PSMC5: variants seen among roughly 807,000 people sequenced by gnomAD.
PSMC5 encodes the protein proteasome 26S subunit, ATPase 5.
In PSMC5, 11 loss-of-function variants were observed where a neutral mutation model predicts 49.1. The observed-to-expected ratio is 0.22, with a 90% CI of 0.14 to 0.37. The LOEUF is 0.37. PSMC5 is among the 10% of genes least tolerant of loss of function. The pLI is 1.00. For synonymous variants in PSMC5, 206 were observed against 192.2 expected, an observed-to-expected ratio of 1.07 and a Z score of -0.59; for missense variants, 229 against 520.9, an observed-to-expected ratio of 0.44 and a Z score of 5.45.
Position 63,827,473 on chromosome 17 carries a change from C to T in PSMC5, c.-18C>T. On this transcript the variant is annotated 5_prime_UTR_variant, in exon 1 of 12. Coordinates refer to ENST00000310144, the MANE Select transcript of PSMC5 (RefSeq NM_002805.6). ...CCAAGACGGCTCGGATGCCGGCGGTCTCTGCTGAAGAGAGAAGATGGCGCT... is the reference window on the plus strand; with the variant it reads ...CCAAGACGGCTCGGATGCCGGCGGTTTCTGCTGAAGAGAGAAGATGGCGCT... The T allele has an allele frequency of 6.4e-7, 1 of 1,551,740 alleles. No homozygotes were observed.
rs751153737 is a variant in PSMC5, at chr17:63,830,796, T to C, written c.553-13T>C. The C allele has an allele frequency of 1.2e-6, 2 of 1,611,694 alleles. No individual in the cohort carries two copies. Among genetic ancestry groups the C allele is most frequent in the South Asian group, 2.2e-5 (2 of 91,062 alleles). On this transcript the variant is annotated splice_polypyrimidine_tract_variant and intron_variant, in intron 6 of 11. Coordinates refer to ENST00000310144, the MANE Select transcript of PSMC5 (RefSeq NM_002805.6). This position sits in a 1 kb window ranked among gnomAD's most constrained non-coding sequence, Gnocchi z 4.0. ...TGTAGCTTTCTGCCCTGAGTCCTGCTGTTCCCCTGTAGGGAGTGCTGCTGT... is the reference window on the plus strand; with the variant it reads ...TGTAGCTTTCTGCCCTGAGTCCTGCCGTTCCCCTGTAGGGAGTGCTGCTGT...
Position 63,831,065 on chromosome 17 carries a change from A to G in PSMC5, c.709A>G (p.Met237Val). ...AAGAATGGTGAGGGAGCTGTTTGTC[A>G]TGGCACGGGAACATGCTCCATCTAT... is the stretch of plus-strand genomic sequence containing the variant. The part of the protein sequence containing the change: ...GARMVRELFV[M>V]AREHAPSIIF... The change falls in exon 8 of 12, where the codon ATG becomes GTG. Residue 237 changes from methionine to valine, a missense_variant. Physicochemically the swap from Met to Val is conservative, Grantham distance 21. Transcript: ENST00000310144. This position sits in a 1 kb window ranked among gnomAD's most constrained non-coding sequence, Gnocchi z 6.3. The G allele has an allele frequency of 6.4e-7, 1 of 1,567,402 alleles. No homozygotes were observed. The highest frequency in any genetic ancestry group is 8.7e-7 in the Non-Finnish European group (1 of 1,155,498).
At chr17:63,829,743 C>T (rs2040159193) in intron 3 of PSMC5, 109 bp from the exon 4 acceptor site, 2 of 1,322,364 alleles carry the variant, frequency 1.5e-6, no homozygotes, top group Non-Finnish European at 2.2e-6. Context: ...TGAATTTTGA[C>T]CTTTGGCCTT....
In PSMC5 at chr17:63,830,632, G is replaced by C. The variant is rs2040171777; in HGVS notation, c.552+131G>C. 3 of 1,483,958 alleles carry C rather than the reference G, an allele frequency of 2.0e-6. No homozygotes were observed. The highest frequency in any genetic ancestry group is 1.4e-5 in the African/African-American group (1 of 71,588). 91.9% of individuals were successfully genotyped at this position (1,483,958 alleles called of 1,614,324 possible). A position where few individuals can be genotyped will look rare whatever the true frequency, so the allele number is the denominator to read the frequency against. ...CTTGGGCTGGCCCTCCCCCTGAAAA[G>C]AGTGGCTGGGGAAGTGTTCCTAGGG... On this transcript the variant is annotated intron_variant, in intron 6 of 11. Coordinates refer to ENST00000310144, the MANE Select transcript of PSMC5 (RefSeq NM_002805.6). The surrounding 1 kb of genome is among the most constrained non-coding windows in gnomAD (Gnocchi z 4.0).
In PSMC5 at chr17:63,830,427, G is replaced by C; in HGVS notation, c.478G>C (p.Glu160Gln). The part of the protein sequence containing the change: ...MIGGLDKQIK[E>Q]IKEVIELPVK... ...TGGTGGACTGGACAAACAGATCAAGGAGATCAAAGAAGTGATCGAGCTGCC... is the reference window on the plus strand; with the variant it reads ...TGGTGGACTGGACAAACAGATCAAGCAGATCAAAGAAGTGATCGAGCTGCC... The change falls in exon 6 of 12, where the codon GAG becomes CAG. Residue 160 changes from glutamate to glutamine, a missense_variant. Glu to Gln is a conservative substitution (Grantham distance 29). Around this residue, in one of 4 missense-constraint regions of PSMC5, gnomAD observed 121 missense variants for 330.6 expected, o/e 0.37. Coordinates refer to ENST00000310144, the MANE Select transcript of PSMC5 (RefSeq NM_002805.6). This position sits in a 1 kb window ranked among gnomAD's most constrained non-coding sequence, Gnocchi z 4.0. 6.2e-7 allele frequency: 1 copy of C among 1,614,190 alleles called. No individual in the cohort carries two copies. The highest frequency in any genetic ancestry group is 1.3e-5 in the African/African-American group (1 of 75,034).
Position 63,830,528 on chromosome 17 carries a change from G to A in PSMC5, c.552+27G>A. On this transcript the variant is annotated intron_variant, in intron 6 of 11. Coordinates refer to ENST00000310144, the MANE Select transcript of PSMC5 (RefSeq NM_002805.6). This position sits in a 1 kb window ranked among gnomAD's most constrained non-coding sequence, Gnocchi z 4.0. ...TGAGGAGCAGGGCTTCTCTGAGAGG[G>A]CCAAGCTGTACTTACTCCTCCTGCC... is the stretch of plus-strand genomic sequence containing the variant. 1 of 1,610,802 alleles carries A rather than the reference G, an allele frequency of 6.2e-7. No homozygotes were observed. Among genetic ancestry groups the A allele is most frequent in the Non-Finnish European group, 8.5e-7 (1 of 1,178,958 alleles).
rs1567757501 is a variant in PSMC5 at position 63,830,207 on chromosome 17, G to A, written c.321+18G>A. 2 of 1,610,684 alleles carry A rather than the reference G, an allele frequency of 1.2e-6. No homozygotes were observed. Among genetic ancestry groups the A allele is most frequent in the Admixed American group, 1.7e-5 (1 of 59,840 alleles). On this transcript the variant is annotated intron_variant, in intron 5 of 11. Transcript: ENST00000310144. The surrounding 1 kb of genome is among the most constrained non-coding windows in gnomAD (Gnocchi z 4.0). Reference sequence around the variant, plus strand: ...TCAATGATGTGAGTGTAGCAGGTGAGGTGGTGGTGGTGGTGGGGTCAGCTC... The same window carrying A: ...TCAATGATGTGAGTGTAGCAGGTGAAGTGGTGGTGGTGGTGGGGTCAGCTC...
chr17:63,828,462 G>T, intron 2 of PSMC5: 1 of 361,728 alleles, frequency 2.8e-6, no homozygotes, highest in Non-Finnish European at 5.0e-6. Flanking sequence ...AATAGTAAAG[G>T]TACCTCTAGC....
chr17:63,828,043 C>G, intron 1 of PSMC5, 95 bp from the exon 2 acceptor site: 1 of 1,455,974 alleles, frequency 6.9e-7, no homozygotes, highest in Non-Finnish European at 9.6e-7. Context: ...CTACGCAAAG[C>G]TACCTGGTGT....
Position 63,830,474 on chromosome 17 carries a change from C to T in PSMC5, c.525C>T (p.Phe175=), listed in dbSNP as rs764867576. The part of the protein sequence containing the change: ...IELPVKHPEL[F]EALGIAQPKG... Reference sequence around the variant, plus strand: ...TGCCTGTTAAGCATCCTGAGCTCTTCGAAGCACTGGGCATTGCTCAGCCCA... The same window carrying T: ...TGCCTGTTAAGCATCCTGAGCTCTTTGAAGCACTGGGCATTGCTCAGCCCA... Residue 175 remains phenylalanine, a synonymous_variant, in exon 6 of 12, where the codon TTC becomes TTT. Coordinates refer to ENST00000310144, the MANE Select transcript of PSMC5 (RefSeq NM_002805.6). This position sits in a 1 kb window ranked among gnomAD's most constrained non-coding sequence, Gnocchi z 4.0. The T allele has an allele frequency of 1.1e-5, 18 of 1,613,948 alleles. No homozygotes were observed. The highest frequency in any genetic ancestry group is 4.0e-5 in the African/African-American group (3 of 74,908).
In PSMC5 at chr17:63,830,276, A is replaced by G. The variant is rs780486733; in HGVS notation, c.327A>G (p.Thr109=). ...AACTCGCCCCCTTCACCCAGGTGAC[A>G]CCCAATTGCCGGGTGGCTCTAAGGA... ...VDKNIDINDV[T]PNCRVALRND... The change falls in exon 6 of 12, where the codon ACA becomes ACG. Residue 109 remains threonine, a synonymous_variant. Transcript: ENST00000310144. This position sits in a 1 kb window ranked among gnomAD's most constrained non-coding sequence, Gnocchi z 4.0. The G allele has an allele frequency of 3.1e-6, 5 of 1,613,948 alleles. No homozygotes were observed. In the South Asian group the frequency reaches 3.3e-5, roughly 11 times the overall value.
In PSMC5 at chr17:63,831,171, C is replaced by T. The variant is rs778907291; in HGVS notation, c.815C>T (p.Thr272Met). 2.6e-6 allele frequency: 4 copies of T among 1,561,476 alleles called. No individual in the cohort carries two copies. The highest frequency in any genetic ancestry group is 3.5e-6 in the Non-Finnish European group (4 of 1,153,260). The change falls in exon 8 of 12, where the codon ACG (threonine) becomes ATG (methionine). Residue 272 changes from threonine to methionine, a missense_variant. By Grantham distance (81) the Thr-to-Met change is moderately conservative (BLOSUM62 -1). Transcript: ENST00000310144. This position sits in a 1 kb window ranked among gnomAD's most constrained non-coding sequence, Gnocchi z 6.3. ...GSGGDSEVQR[T>M]MLELLNQLDG... is the part of the protein sequence containing the mutation. ...GGAGGGGACAGTGAAGTGCAGCGCA[C>T]GATGCTGGAGTTGCTCAACCAGCTC...
At position 63,830,113 on chromosome 17, in the gene PSMC5, A is replaced by C. The variant is rs1254740039; in HGVS notation, c.265-20A>C. On this transcript the variant is annotated intron_variant, in intron 4 of 11. Transcript: ENST00000310144. The surrounding 1 kb of genome is among the most constrained non-coding windows in gnomAD (Gnocchi z 4.0). The stretch of plus-strand genomic sequence containing the variant: ...GATTTGGTGGCTGTCAAGGAAGGTC[A>C]TGAGCCCTTGTTTCTTTAGGTACAT... 4 of 1,611,596 alleles carry C rather than the reference A, an allele frequency of 2.5e-6. No individual in the cohort carries two copies. The highest frequency in any genetic ancestry group is 3.4e-6 in the Non-Finnish European group (4 of 1,178,912).
rs1216127085 is a variant in PSMC5 at position 63,828,187 on chromosome 17, T to C, written c.74T>C (p.Leu25Pro). 1 of 1,614,006 alleles carries C rather than the reference T, an allele frequency of 6.2e-7. No homozygotes were observed. Among genetic ancestry groups the C allele is most frequent in the Non-Finnish European group, 8.5e-7 (1 of 1,180,028 alleles). The change falls in exon 2 of 12, where the codon CTG becomes CCG. Residue 25 changes from leucine (L) to proline (P), a missense_variant. Leu to Pro is a moderately conservative substitution (Grantham distance 98). This residue lies in a region of PSMC5 where 98 missense variants were observed against 144.0 expected (regional missense o/e 0.68). Transcript: ENST00000310144. ...KAGSGLRQYY[L>P]SKIEELQLIV... ...GGCAGCGGACTCCGCCAATATTATC[T>C]GTCCAAGATTGAAGAACTCCAGGTG...
intron 2 of PSMC5, 125 bp downstream of exon 2, chr17:63,828,334 G>T: frequency 1.1e-6 from 1 of 924,810 alleles, no homozygotes; most frequent in Non-Finnish European, 1.6e-6. Flanking sequence ...TTTCTTGTTT[G>T]TTTCTTAGCT....
In PSMC5 at chr17:63,830,212, T is replaced by C; in HGVS notation, c.321+23T>C. 1 of 1,613,858 alleles carries C rather than the reference T, an allele frequency of 6.2e-7. No individual in the cohort carries two copies. Among genetic ancestry groups the C allele is most frequent in the Non-Finnish European group, 8.5e-7 (1 of 1,179,896 alleles). On this transcript the variant is annotated intron_variant, in intron 5 of 11. Coordinates refer to ENST00000310144, the MANE Select transcript of PSMC5 (RefSeq NM_002805.6). This position sits in a 1 kb window ranked among gnomAD's most constrained non-coding sequence, Gnocchi z 4.0. ...GATGTGAGTGTAGCAGGTGAGGTGG[T>C]GGTGGTGGTGGGGTCAGCTCTTACT...
chr17:63,827,695 G>T (rs1025955249), intron 1 of PSMC5, 181 bp downstream of exon 1: 3 of 1,453,434 alleles, frequency 2.1e-6, no homozygotes, highest in African/African-American at 2.8e-5. Flanking sequence ...GTGAGTCAGG[G>T]CAAGGCTGGG....
At position 63,829,914 on chromosome 17, in the gene PSMC5, G is replaced by C; in HGVS notation, c.229G>C (p.Val77Leu). The C allele has an allele frequency of 1.2e-6, 2 of 1,613,144 alleles. No individual in the cohort carries two copies. The highest frequency in any genetic ancestry group is 1.7e-6 in the Non-Finnish European group (2 of 1,179,586). Residue 77 changes from valine to leucine, a missense_variant, in exon 4 of 12, where the codon GTC (valine) becomes CTC (leucine). Coordinates refer to ENST00000310144, the MANE Select transcript of PSMC5 (RefSeq NM_002805.6). ...GCAGGGCTCCTATGTGGGGGAAGTA[G>C]TCCGGGCCATGGATAAGAAGAAAGT... is the stretch of plus-strand genomic sequence containing the variant. ...QEQGSYVGEV[V>L]RAMDKKKVLV... is the part of the protein sequence containing the mutation.
chr17:63,831,214 C>A lies in PSMC5; in HGVS notation c.858C>A (p.Thr286=). The stretch of plus-strand genomic sequence containing the variant: ...ACCAGCTCGACGGCTTTGAGGCCAC[C>A]AAGAACATCAAGGTAAGGTGGTAGC... The part of the protein sequence containing the change: ...LLNQLDGFEA[T]KNIKVIMATN... The change falls in exon 8 of 12, where the codon ACC becomes ACA. Residue 286 remains threonine (T), a synonymous_variant. Transcript: ENST00000310144. The surrounding 1 kb of genome is among the most constrained non-coding windows in gnomAD (Gnocchi z 6.3). 1 of 1,573,152 alleles carries A rather than the reference C, an allele frequency of 6.4e-7. No individual in the cohort carries two copies. The highest frequency in any genetic ancestry group is 8.6e-7 in the Non-Finnish European group (1 of 1,157,764).
Sources: allele counts gnomAD v4.1 joint callset, GRCh38; gene constraint gnomAD v4.1.1; regional missense constraint gnomAD v4.1.1; non-coding constraint Gnocchi (gnomAD v3.1); transcripts MANE v1.5; gene names NCBI Gene and HGNC (gene_info 2026-07-23, HGNC 2026-07-21).